The following C14orf132 variants were observed in gnomAD, a reference collection of about 807,000 sequenced individuals.
C14orf132 encodes the protein uncharacterized protein C14orf132.
C14orf132 carries 6 observed loss-of-function variants against 5.8 expected under a neutral mutation model. The ratio of observed to expected loss-of-function variants is 1.03; its 90% CI spans 0.57 to 2.04. C14orf132 has a LOEUF of 2.04. Among genes scored for constraint, C14orf132 ranks in the 30% most tolerant of loss-of-function variants. The pLI, the probability that C14orf132 is intolerant of heterozygous loss-of-function variation, is 0.00. For synonymous variants in C14orf132, 51 were observed against 49.8 expected (o/e 1.02, Z -0.10); for missense variants, 125 against 115.8 (o/e 1.08, Z -0.37).
intron 1 of C14orf132, among the ~76,000 whole-genome samples, chr14:96,084,627 T>C (rs753278855): frequency 6.6e-6 from 1 of 152,208 alleles, no homozygotes; most frequent in Non-Finnish European, 1.5e-5. Flanking sequence ...AATATAGTAA[T>C]AGAATATGTT....
chr14:96,048,033 C>A (rs1342602517), intron 1 of C14orf132, among the ~76,000 whole-genome samples: 1 of 152,066 alleles, frequency 6.6e-6, no homozygotes, highest in African/African-American at 2.4e-5. Flanking sequence ...ACTAAAAATA[C>A]AAAAATTAGC....
At chr14:96,079,472 T>C (rs1887968405) in intron 1 of C14orf132, among the ~76,000 whole-genome samples, 1 of 143,360 alleles carries the variant, frequency 7.0e-6, no homozygotes, top group South Asian at 2.3e-4. Context: ...GACACCATTT[T>C]ATGACTGTGT....
chr14:96,073,313 CA>C (rs1402857305), intron 1 of C14orf132, among the ~76,000 whole-genome samples: 1 of 152,112 alleles, frequency 6.6e-6, no homozygotes, highest in African/African-American at 2.4e-5. Flanking sequence ...TTTAGCTGTT[CA>C]GATCTTTTAC....
chr14:96,077,539 G>A (rs1284131827), intron 1 of C14orf132, among the ~76,000 whole-genome samples: 2 of 152,094 alleles, frequency 1.3e-5, no homozygotes, highest in Non-Finnish European at 2.9e-5. Flanking sequence ...GGAGAAGGTG[G>A]CCACCTGCAA....
At chr14:96,045,488 C>A (rs1437394583) in intron 1 of C14orf132, among the ~76,000 whole-genome samples, 2 of 152,138 alleles carry the variant, frequency 1.3e-5, no homozygotes. Context: ...CCGAAACCAG[C>A]CAGGTGACCT....
At chr14:96,081,154 C>T (rs1302778980) in intron 1 of C14orf132, among the ~76,000 whole-genome samples, 1 of 152,202 alleles carries the variant, frequency 6.6e-6, no homozygotes, top group Admixed American at 6.5e-5. Flanking sequence ...GGTACTTTTA[C>T]TAACATTTGT....
intron 1 of C14orf132, among the ~76,000 whole-genome samples, chr14:96,072,611 A>G (rs1286863086): frequency 1.3e-5 from 2 of 152,196 alleles, no homozygotes; most frequent in African/African-American, 4.8e-5. Flanking sequence ...AAAATTTAGA[A>G]CTTTCCATCA....
At chr14:96,048,718 G>T (rs1264087512) in intron 1 of C14orf132, among the ~76,000 whole-genome samples, 1 of 152,076 alleles carries the variant, frequency 6.6e-6, no homozygotes, top group South Asian at 2.1e-4. Flanking sequence ...TGGAGATGGG[G>T]TTTTACCATG....
intron 1 of C14orf132, among the ~76,000 whole-genome samples, chr14:96,068,301 T>TG (rs1474068078): frequency 6.6e-6 from 1 of 152,192 alleles, no homozygotes; most frequent in Non-Finnish European, 1.5e-5. Context: ...CTCAACGTGT[T>TG]GCAGGGCTGG....
chr14:96,077,530 G>A (rs10131797), intron 1 of C14orf132, among the ~76,000 whole-genome samples: 31,607 of 152,026 alleles, frequency 0.21, 3,741 homozygotes, highest in Non-Finnish European at 0.27. Flanking sequence ...AAGACACAGG[G>A]AGAAGGTGGC....
intron 1 of C14orf132, among the ~76,000 whole-genome samples, chr14:96,057,685 A>G (rs1887221982): frequency 6.6e-6 from 1 of 152,146 alleles, no homozygotes; most frequent in African/African-American, 2.4e-5. Flanking sequence ...CCTCCTGCTG[A>G]TGAATGATGT....
At chr14:96,055,888 T>C (rs1196352035) in intron 1 of C14orf132, among the ~76,000 whole-genome samples, 1 of 152,152 alleles carries the variant, frequency 6.6e-6, no homozygotes, top group Non-Finnish European at 1.5e-5. Flanking sequence ...ATCACCTGGG[T>C]AGCTGGTGTT....
intron 1 of C14orf132, among the ~76,000 whole-genome samples, chr14:96,063,341 C>G (rs1887420820): frequency 6.6e-6 from 1 of 152,142 alleles, no homozygotes; most frequent in African/African-American, 2.4e-5. Context: ...CAGAGTCTCG[C>G]TCTGTCACCC....
At chr14:96,066,950 G>C (rs1275434261) in intron 1 of C14orf132, among the ~76,000 whole-genome samples, 1 of 152,170 alleles carries the variant, frequency 6.6e-6, no homozygotes, top group Non-Finnish European at 1.5e-5. Context: ...TCTAGAGTTT[G>C]ATTTCTGATC....
intron 1 of C14orf132, among the ~76,000 whole-genome samples, chr14:96,052,383 T>TC (rs961904849): frequency 1.3e-5 from 2 of 151,810 alleles, no homozygotes; most frequent in Non-Finnish European, 2.9e-5. Context: ...GGAAGCTTGC[T>TC]CCCCCCGGGA....
Position 96,075,736 on chromosome 14 carries a change from A to AT in C14orf132, c.28-10767dup, listed in dbSNP as rs370877489. On this transcript the variant is annotated intron_variant, in intron 1 of 1. Transcript: ENST00000555004. ...AGTGTGGCATGAATTGTAAGGATTGATTTTTTTTGGATGTTGAATATTTGA... is the reference window on the plus strand; with the variant it reads ...AGTGTGGCATGAATTGTAAGGATTGATTTTTTTTTGGATGTTGAATATTTGA... Among the ~76,000 whole-genome samples, 286 of 151,928 alleles carry AT rather than the reference A, an allele frequency of 1.9e-3. 1 individual carries two copies. Among genetic ancestry groups the AT allele is most frequent in the African/African-American group, 6.5e-3 (271 of 41,420 alleles).
chr14:96,067,109 G>T (rs1887554251), intron 1 of C14orf132, among the ~76,000 whole-genome samples: 1 of 152,330 alleles, frequency 6.6e-6, no homozygotes, highest in African/African-American at 2.4e-5. Flanking sequence ...AAAAGATACT[G>T]CTCTTCCTTG....
At chr14:96,068,004 C>T (rs772020485) in intron 1 of C14orf132, among the ~76,000 whole-genome samples, 1 of 152,204 alleles carries the variant, frequency 6.6e-6, no homozygotes, top group South Asian at 2.1e-4. Context: ...GTAACGTGCT[C>T]AGCCCATATC....
chr14:96,053,659 C>T (rs1031840056), intron 1 of C14orf132, among the ~76,000 whole-genome samples: 6 of 152,212 alleles, frequency 3.9e-5, no homozygotes, highest in Non-Finnish European at 8.8e-5. Flanking sequence ...AGCAGAGCCC[C>T]ACCCCCATGA....
Sources: allele counts gnomAD v4.1 joint callset (sites outside exome capture counted in the v4.1 genomes callset), GRCh38; gene constraint gnomAD v4.1.1; transcripts MANE v1.5; gene names NCBI Gene and HGNC (gene_info 2026-07-23, HGNC 2026-07-21).